The following OPRD1 variants were observed in gnomAD, a reference collection of about 807,000 sequenced individuals.
The protein encoded by OPRD1 is opioid receptor delta 1.
OPRD1 carries 19 observed loss-of-function variants against 17.5 expected under a neutral mutation model. The ratio of observed to expected loss-of-function variants is 1.09; its 90% CI spans 0.76 to 1.60. The LOEUF (loss-of-function observed/expected upper bound fraction) is 1.60, where lower values mean the gene tolerates loss of function less well. Among genes scored for constraint, OPRD1 ranks in the 40% most tolerant of loss-of-function variants. The pLI, the probability that OPRD1 is intolerant of heterozygous loss-of-function variation, is 0.00. For synonymous variants in OPRD1, 256 were observed against 240.9 expected (o/e 1.06, Z -0.58); for missense variants, 483 against 547.2 (o/e 0.88, Z 1.17).
At position 28,868,854 on chromosome 1, in the gene OPRD1, T is replaced by G. The variant is rs992023540; in HGVS notation, c.*5571T>G. 7.4e-5 allele frequency: 11 copies of G among 148,776 alleles called. No individual in the cohort carries two copies. Among genetic ancestry groups the G allele is most frequent in the African/African-American group, 2.7e-4 (11 of 40,268 alleles). The allele number at this position is 148,776 out of a possible 1,614,324, so 9.2% of individuals were successfully genotyped here. Reference sequence around the variant, plus strand: ...GACTCTGTCTGAAAAAAAAAAAAAATTAAAAAGAAATGCTCCTCAAGTTGG... The same window carrying G: ...GACTCTGTCTGAAAAAAAAAAAAAAGTAAAAAGAAATGCTCCTCAAGTTGG... On this transcript the variant is annotated 3_prime_UTR_variant, in exon 3 of 3. Coordinates refer to ENST00000234961, the MANE Select transcript of OPRD1 (RefSeq NM_000911.4).
At chr1:28,843,437 C>T (rs1316312966) in intron 1 of OPRD1, among the ~76,000 whole-genome samples, 4 of 152,068 alleles carry the variant, frequency 2.6e-5, no homozygotes, top group African/African-American at 9.7e-5. Flanking sequence ...CAGTAACTGC[C>T]CATCCTCCCC....
chr1:28,850,831 T>C (rs1012394555), intron 1 of OPRD1, among the ~76,000 whole-genome samples: 1 of 133,048 alleles, frequency 7.5e-6, no homozygotes, highest in Non-Finnish European at 1.6e-5. Flanking sequence ...ATAATAATAA[T>C]AAAAGGTCAA....
intron 1 of OPRD1, among the ~76,000 whole-genome samples, chr1:28,817,671 A>C (rs1320893446): frequency 1.3e-5 from 2 of 152,136 alleles, no homozygotes; most frequent in Non-Finnish European, 2.9e-5. Context: ...GTCTCTATCC[A>C]TGTCCCAGAG....
chr1:28,856,062 A>G (rs1489323293), intron 1 of OPRD1, among the ~76,000 whole-genome samples: 2 of 152,234 alleles, frequency 1.3e-5, no homozygotes, highest in Non-Finnish European at 2.9e-5. Context: ...CTAGGTGTCC[A>G]GGGCTGGGCA....
intron 1 of OPRD1, among the ~76,000 whole-genome samples, chr1:28,830,104 G>A (rs971331674): frequency 2.0e-5 from 3 of 152,154 alleles, no homozygotes; most frequent in Admixed American, 2.0e-4. Context: ...GGCCTGAGGA[G>A]AGGGAGAGAG....
At chr1:28,861,190 T>A (rs1186575222) in intron 2 of OPRD1, among the ~76,000 whole-genome samples, 1 of 152,186 alleles carries the variant, frequency 6.6e-6, no homozygotes, top group Non-Finnish European at 1.5e-5. Context: ...CCCCAGCCCC[T>A]TCTCACTTCT....
chr1:28,815,637 C>T (rs749960504), intron 1 of OPRD1, among the ~76,000 whole-genome samples: 4 of 152,198 alleles, frequency 2.6e-5, no homozygotes, highest in Admixed American at 1.3e-4. Context: ...GAGCGCAGCC[C>T]GGGCTGGAGA....
chr1:28,833,160 C>A (rs540392713), intron 1 of OPRD1, among the ~76,000 whole-genome samples: 70 of 152,258 alleles, frequency 4.6e-4, no homozygotes, highest in African/African-American at 1.7e-3. Context: ...ATGTAATGTG[C>A]CCATTTTACA....
intron 1 of OPRD1, among the ~76,000 whole-genome samples, chr1:28,827,397 A>G (rs1467963804): frequency 6.6e-6 from 1 of 152,012 alleles, no homozygotes; most frequent in African/African-American, 2.4e-5. Context: ...AGGCACGATC[A>G]TAGCTCACTA....
chr1:28,813,875 G>A (rs2088652135), intron 1 of OPRD1, among the ~76,000 whole-genome samples: 1 of 152,244 alleles, frequency 6.6e-6, no homozygotes. Flanking sequence ...CCTCCCATCC[G>A]CCTCAGTTTC....
intron 2 of OPRD1, among the ~76,000 whole-genome samples, chr1:28,861,956 G>C (rs1466554303): frequency 6.7e-6 from 1 of 148,492 alleles, no homozygotes; most frequent in Admixed American, 6.8e-5. Context: ...CTGTCGCCCA[G>C]GCTGGAGTCC....
chr1:28,835,783 G>A (rs1034840367), intron 1 of OPRD1, among the ~76,000 whole-genome samples: 7 of 152,204 alleles, frequency 4.6e-5, no homozygotes, highest in African/African-American at 1.7e-4. Flanking sequence ...ATTGGGTGGT[G>A]GTTAGGAGTG....
chr1:28,859,827 C>G (rs900274319), intron 2 of OPRD1, among the ~76,000 whole-genome samples: 4 of 152,192 alleles, frequency 2.6e-5, no homozygotes, highest in African/African-American at 9.7e-5. Context: ...CAGGGAATGA[C>G]AAATAGGAGC....
chr1:28,862,969 G>GGACACTCCAGACAGAAGAATC lies in OPRD1; in HGVS notation c.805_806insGACACTCCAGACAGAAGAATC (p.Ala269delinsGlyHisSerArgGlnLysAsnPro). ...GCGCATGGTGCTGGTGGTTGTGGGC[G>GGACACTCCAGACAGAAGAATC]CCTTCGTGGTGTGTTGGGCGCCCAT... is the stretch of plus-strand genomic sequence containing the variant. On this transcript the variant is annotated protein_altering_variant, in exon 3 of 3. Coordinates refer to ENST00000234961, the MANE Select transcript of OPRD1 (RefSeq NM_000911.4). 1 of 1,611,534 alleles carries GGACACTCCAGACAGAAGAATC rather than the reference G, an allele frequency of 6.2e-7. No homozygotes were observed.
chr1:28,842,555 A>G (rs1299729542), intron 1 of OPRD1, among the ~76,000 whole-genome samples: 1 of 152,224 alleles, frequency 6.6e-6, no homozygotes, highest in East Asian at 1.9e-4. Flanking sequence ...GGTGGTGATG[A>G]TCCTTCTGCA....
rs567567465 is a variant in OPRD1 at position 28,863,253 on chromosome 1, C to G, written c.1089C>G (p.Ser363=). Residue 363 remains serine (S), a synonymous_variant, in exon 3 of 3, where the codon TCC becomes TCG. Transcript: ENST00000234961. ...ARERVTACTP[S]DGPGGGAAA ...AGCGTGTCACCGCCTGCACCCCGTC[C>G]GATGGTCCCGGCGGTGGCGCTGCCG... is the stretch of plus-strand genomic sequence containing the variant. 1.1e-5 allele frequency: 16 copies of G among 1,511,192 alleles called. No individual in the cohort carries two copies. The highest frequency in any genetic ancestry group is 6.6e-5 in the Admixed American group (3 of 45,500). 93.6% of individuals were successfully genotyped at this position (1,511,192 alleles called of 1,614,324 possible).
intron 1 of OPRD1, among the ~76,000 whole-genome samples, chr1:28,827,638 G>A (rs2088777412): frequency 6.6e-6 from 1 of 152,190 alleles, no homozygotes; most frequent in Non-Finnish European, 1.5e-5. Flanking sequence ...TACTACATCT[G>A]CAGTTACTTC....
At chr1:28,835,282 A>G (rs7543079) in intron 1 of OPRD1, among the ~76,000 whole-genome samples, 10,209 of 152,142 alleles carry the variant, frequency 0.067, 1,129 homozygotes, top group African/African-American at 0.23. Flanking sequence ...CCTGGCTGCC[A>G]TGAGTGTGTT....
At chr1:28,825,142 C>T (rs2088753571) in intron 1 of OPRD1, among the ~76,000 whole-genome samples, 2 of 152,000 alleles carry the variant, frequency 1.3e-5, no homozygotes, top group Non-Finnish European at 2.9e-5. Context: ...CCAGAGCCCA[C>T]ACTCTTAACC....
Sources: gnomAD v4.1 joint callset for allele counts (sites outside exome capture counted in the v4.1 genomes callset) on GRCh38, gnomAD v4.1.1 for gene constraint, MANE v1.5 for transcripts, NCBI Gene and HGNC (gene_info 2026-07-23, HGNC 2026-07-21) for gene names.